Variants in GPR83 observed in about 807,000 individuals in gnomAD.
The protein encoded by GPR83 is G-protein coupled receptor 72.
In GPR83, 23 loss-of-function variants were observed where a neutral mutation model predicts 28.0. That is an observed-to-expected ratio of 0.82 (90% CI 0.59 to 1.16). The LOEUF (loss-of-function observed/expected upper bound fraction) is 1.16. GPR83 is among the 50% of genes most tolerant of loss of function. The pLI, the probability that GPR83 is intolerant of heterozygous loss-of-function variation, is 0.00. For missense variants in GPR83, 610 were observed against 536.6 expected (o/e 1.14, Z -1.35); for synonymous variants, 234 against 215.4 (o/e 1.09, Z -0.76).
In GPR83 at chr11:94,401,391, G is replaced by C; in HGVS notation, c.-144C>G. On this transcript the variant is annotated 5_prime_UTR_variant, in exon 1 of 4. Transcript: ENST00000243673. ...GGAGCCCGGACGCGCGGAGCACCGCGCCGCCCGCCACCAGCCCGCGGTCGG... is the reference window on the plus strand; with the variant it reads ...GGAGCCCGGACGCGCGGAGCACCGCCCCGCCCGCCACCAGCCCGCGGTCGG... The C allele has an allele frequency of 1.4e-6, 1 of 711,004 alleles. No individual in the cohort carries two copies. The highest frequency in any genetic ancestry group is 2.1e-6 in the Non-Finnish European group (1 of 476,476). 44.0% of individuals were successfully genotyped at this position (711,004 alleles called of 1,614,324 possible).
In GPR83 at chr11:94,378,164, A is replaced by G. The variant is rs1181428918; in HGVS notation, c.*1985T>C. The G allele has an allele frequency of 6.6e-6, 1 of 150,846 alleles. No homozygotes were observed. 9.3% of individuals were successfully genotyped at this position (150,846 alleles called of 1,614,324 possible). On this transcript the variant is annotated 3_prime_UTR_variant, in exon 4 of 4. Transcript: ENST00000243673. ...AAAGTCATGGTTTTGCCCATAATTC[A>G]GTGAGTTTTCAAAATCTTGTGTCTT... is the stretch of plus-strand genomic sequence containing the variant.
intron 3 of GPR83, among the ~76,000 whole-genome samples, chr11:94,386,632 C>A (rs921258191): frequency 3.3e-5 from 5 of 152,152 alleles, no homozygotes; most frequent in African/African-American, 1.2e-4. Flanking sequence ...GCTAACTATC[C>A]TAAATATATA....
At position 94,377,666 on chromosome 11, in the gene GPR83, G is replaced by A. The variant is rs1208184889; in HGVS notation, c.*2483C>T. 1 of 152,214 alleles carries A rather than the reference G, an allele frequency of 6.6e-6. No homozygotes were observed. The highest frequency in any genetic ancestry group is 2.1e-4 in the South Asian group (1 of 4,828). 9.4% of individuals were successfully genotyped at this position (152,214 alleles called of 1,614,324 possible). On this transcript the variant is annotated 3_prime_UTR_variant, in exon 4 of 4. Coordinates refer to ENST00000243673, the MANE Select transcript of GPR83 (RefSeq NM_016540.4). The stretch of plus-strand genomic sequence containing the variant: ...CATTCTGGTTTTCACCTTCAGTACA[G>A]TATTCAATAAATTACATGAGATATT...
rs545943911 is a variant in GPR83 at position 94,401,391 on chromosome 11, GCCGCCCGCCACCAGC to G, written c.-159_-145del. Reference sequence around the variant, plus strand: ...GGAGCCCGGACGCGCGGAGCACCGCGCCGCCCGCCACCAGCCCGCGGTCGGCACGCCAGCTCCGGG... The same window carrying G: ...GGAGCCCGGACGCGCGGAGCACCGCGCCGCGGTCGGCACGCCAGCTCCGGG... On this transcript the variant is annotated 5_prime_UTR_variant, in exon 1 of 4. Coordinates refer to ENST00000243673, the MANE Select transcript of GPR83 (RefSeq NM_016540.4). The G allele has an allele frequency of 7.1e-4, 503 of 711,004 alleles. 3 individuals are homozygous for G. In the African/African-American group the frequency reaches 8.7e-3, roughly 12 times the overall value. The allele number at this position is 711,004 out of a possible 1,614,324, so 44.0% of individuals were successfully genotyped here.
chr11:94,387,269 A>G (rs11020761), intron 3 of GPR83, among the ~76,000 whole-genome samples: 98,650 of 152,010 alleles, frequency 0.65, 32,279 homozygotes, highest in Admixed American at 0.72. Flanking sequence ...TTAAAAGAAC[A>G]AGAGAAGCAA....
At chr11:94,386,053 T>A (rs7931100) in intron 3 of GPR83, among the ~76,000 whole-genome samples, 7,019 of 152,212 alleles carry the variant, frequency 0.046, 499 homozygotes, top group African/African-American at 0.15. Flanking sequence ...TCAACACTCT[T>A]AAAGAAAAGA....
intron 2 of GPR83, among the ~76,000 whole-genome samples, chr11:94,394,248 G>A (rs7126380): frequency 0.084 from 12,725 of 152,176 alleles, 1,509 homozygotes; most frequent in African/African-American, 0.26. Flanking sequence ...TGAGCTGACA[G>A]ACAGGAAGAG....
Position 94,380,170 on chromosome 11 carries a change from T to C in GPR83, c.1251A>G (p.Glu417=), listed in dbSNP as rs148089068. ...TCTTCTAACTCATCGTCACAATGGGTTCCACAGATGACAGGTCTGTCTTCC... is the reference window on the plus strand; with the variant it reads ...TCTTCTAACTCATCGTCACAATGGGCTCCACAGATGACAGGTCTGTCTTCC... ...QSGKTDLSSV[E]PIVTMS Residue 417 remains glutamate, a synonymous_variant, in exon 4 of 4, where the codon GAA becomes GAG. Transcript: ENST00000243673. The C allele has an allele frequency of 3.5e-5, 53 of 1,515,458 alleles. No individual in the cohort carries two copies. Among genetic ancestry groups the C allele is most frequent in the African/African-American group, 4.2e-5 (3 of 71,578 alleles). The allele number at this position is 1,515,458 out of a possible 1,614,324, so 93.9% of individuals were successfully genotyped here. A position where few individuals can be genotyped will look rare whatever the true frequency, so the allele number is the denominator to read the frequency against.
At position 94,380,657 on chromosome 11, in the gene GPR83, A is replaced by G; in HGVS notation, c.764T>C (p.Ile255Thr). 1 of 1,614,006 alleles carries G rather than the reference A, an allele frequency of 6.2e-7. No individual in the cohort carries two copies. Among genetic ancestry groups the G allele is most frequent in the African/African-American group, 1.3e-5 (1 of 75,030 alleles). ...GGCCACACGAGCGTAGGCCACAGAG[A>G]TGATGAGGAGGGGCAGGATGTAGAG... ...ILLYILPLLI[I>T]SVAYARVAKK... Residue 255 changes from isoleucine to threonine, a missense_variant, in exon 4 of 4, where the codon ATC becomes ACC. Coordinates refer to ENST00000243673, the MANE Select transcript of GPR83 (RefSeq NM_016540.4).
At chr11:94,393,742 C>G in intron 2 of GPR83, 124 bp from the exon 3 acceptor site, 1 of 817,134 alleles carries the variant, frequency 1.2e-6, no homozygotes, top group Non-Finnish European at 2.0e-6. Flanking sequence ...AGAAGGATCA[C>G]TTGAGCCCAG....
chr11:94,383,179 A>T (rs893832559), intron 3 of GPR83, among the ~76,000 whole-genome samples: 1 of 151,762 alleles, frequency 6.6e-6, no homozygotes, highest in Non-Finnish European at 1.5e-5. Context: ...AAAAAAAGAA[A>T]CTCACTCAAA....
rs141761818 is a variant in GPR83 at position 94,380,221 on chromosome 11, G to C, written c.1200C>G (p.Leu400=). 8.6e-5 allele frequency: 131 copies of C among 1,523,706 alleles called. 2 individuals are homozygous for C. The African/African-American group carries it at 1.6e-3, about 19-fold the overall frequency. 94.4% of individuals were successfully genotyped at this position (1,523,706 alleles called of 1,614,324 possible). A position where few individuals can be genotyped will look rare whatever the true frequency, so the allele number is the denominator to read the frequency against. ...DGQRAPLANN[L]LPTSQLQSGK... ...CAGACTGGAGTTGGGAGGTGGGCAGGAGGTTATTGGCAAGGGGAGCCCTCT... is the reference window on the plus strand; with the variant it reads ...CAGACTGGAGTTGGGAGGTGGGCAGCAGGTTATTGGCAAGGGGAGCCCTCT... Residue 400 remains leucine (L), a synonymous_variant, in exon 4 of 4, where the codon CTC becomes CTG. Coordinates refer to ENST00000243673, the MANE Select transcript of GPR83 (RefSeq NM_016540.4).
chr11:94,388,615 A>C (rs1042465327), intron 3 of GPR83, among the ~76,000 whole-genome samples: 11 of 152,222 alleles, frequency 7.2e-5, no homozygotes, highest in African/African-American at 2.7e-4. Flanking sequence ...CCAACTTACA[A>C]GGGATGTGAA....
At chr11:94,389,777 C>G (rs1481117521) in intron 3 of GPR83, among the ~76,000 whole-genome samples, 1 of 152,130 alleles carries the variant, frequency 6.6e-6, no homozygotes, top group Non-Finnish European at 1.5e-5. Flanking sequence ...CCTCAGGGAT[C>G]TAGAACTAGA....
intron 1 of GPR83, among the ~76,000 whole-genome samples, chr11:94,398,273 A>G (rs1944883834): frequency 6.6e-6 from 1 of 151,196 alleles, no homozygotes; most frequent in African/African-American, 2.5e-5. Flanking sequence ...CCTGGCTCTC[A>G]GGACAGAGTA....
In GPR83 at chr11:94,398,176, T is replaced by A. The variant is rs1307219143; in HGVS notation, c.388-1652A>T. ...AACAGCTTTCCCAGTTCTCCAGGTT[T>A]GTCACCTTGGAATTCAGCCTTCACA... On this transcript the variant is annotated intron_variant, in intron 1 of 3. Transcript: ENST00000243673. Among the ~76,000 whole-genome samples, 9 of 152,310 alleles carry A rather than the reference T, an allele frequency of 5.9e-5. No homozygotes were observed. In the South Asian group the frequency reaches 1.9e-3, roughly 32 times the overall value.
chr11:94,383,911 G>A (rs1050129543), intron 3 of GPR83, among the ~76,000 whole-genome samples: 3 of 152,126 alleles, frequency 2.0e-5, no homozygotes, highest in Admixed American at 6.5e-5. Flanking sequence ...GGTACAAACA[G>A]GAGCTGGTAC....
At chr11:94,397,839 G>T (rs1944880115) in intron 1 of GPR83, among the ~76,000 whole-genome samples, 1 of 152,202 alleles carries the variant, frequency 6.6e-6, no homozygotes, top group African/African-American at 2.4e-5. Flanking sequence ...GGAGTGGATT[G>T]GCTTGTCTGG....
At chr11:94,388,377 CAAATTGTCCCTGTTTGCAGATGACATG>C (rs1207918530) in intron 3 of GPR83, among the ~76,000 whole-genome samples, 1 of 152,202 alleles carries the variant, frequency 6.6e-6, no homozygotes, top group African/African-American at 2.4e-5. Flanking sequence ...AAGAGGAAGT[CAAATTGTCCCTGTTTGCAGATGACATG>C]ATCGTATATC....
Sources: gnomAD v4.1 joint callset for allele counts (sites outside exome capture counted in the v4.1 genomes callset) on GRCh38, gnomAD v4.1.1 for gene constraint, MANE v1.5 for transcripts, NCBI Gene and HGNC (gene_info 2026-07-23, HGNC 2026-07-21) for gene names.